The following ZNF24 variants were observed in gnomAD, a reference collection of about 807,000 sequenced individuals.
The protein encoded by ZNF24 is zinc finger protein 24.
A neutral mutation model predicts 40.9 loss-of-function variants in ZNF24; 11 were observed. The observed-to-expected ratio is 0.27, with a 90% CI of 0.17 to 0.45. The LOEUF (loss-of-function observed/expected upper bound fraction) is 0.45, where lower values mean the gene tolerates loss of function less well. Ranked by LOEUF, ZNF24 falls within the 20% of genes least tolerant of loss-of-function variation. The pLI is 1.00. For synonymous variants in ZNF24, 139 were observed against 154.7 expected (o/e 0.90, Z 0.75); for missense variants, 293 against 437.7 (o/e 0.67, Z 2.95).
chr18:35,342,942 C>CT (rs1187023103), intron 1 of ZNF24, among the ~76,000 whole-genome samples: 6 of 152,324 alleles, frequency 3.9e-5, no homozygotes, highest in African/African-American at 1.4e-4. Flanking sequence ...TCAGTGCTTT[C>CT]TAAATGTGCC....
chr18:35,340,828 G>T lies in ZNF24; in HGVS notation c.-83-95C>A. 1.6e-6 allele frequency: 1 copy of T among 632,434 alleles called. No individual in the cohort carries two copies. The highest frequency in any genetic ancestry group is 2.6e-6 in the Non-Finnish European group (1 of 390,078). The allele number at this position is 632,434 out of a possible 1,614,324, so 39.2% of individuals were successfully genotyped here. ...AAAGTAAAAGATACTTGTTCTTTGAGTTAAAAATTCCAATCAATAACCTAC... is the reference window on the plus strand; with the variant it reads ...AAAGTAAAAGATACTTGTTCTTTGATTTAAAAATTCCAATCAATAACCTAC... On this transcript the variant is annotated intron_variant, in intron 1 of 3. Coordinates refer to ENST00000261332, the MANE Select transcript of ZNF24 (RefSeq NM_006965.4). The surrounding 1 kb of genome is among the most constrained non-coding windows in gnomAD (Gnocchi z 4.6).
At chr18:35,339,173 A>AT in intron 3 of ZNF24, 1 of 817,434 alleles carries the variant, frequency 1.2e-6, no homozygotes, top group East Asian at 2.7e-5. Flanking sequence ...AAGGATACAC[A>AT]TAAGTATATG....
chr18:35,340,157 G>C lies in ZNF24; in HGVS notation c.420+74C>G. 1.3e-6 allele frequency: 2 copies of C among 1,539,954 alleles called. No individual in the cohort carries two copies. The highest frequency in any genetic ancestry group is 1.8e-6 in the Non-Finnish European group (2 of 1,133,312). ...AAACATAATTCTAACTTAGTTGAGT[G>C]GAATTAATTCAGCAGCTTTGCCTAC... On this transcript the variant is annotated intron_variant, in intron 2 of 3. Transcript: ENST00000261332. The surrounding 1 kb of genome is among the most constrained non-coding windows in gnomAD (Gnocchi z 4.6).
chr18:35,343,890 C>T (rs1342893684), intron 1 of ZNF24: 1 of 156,052 alleles, frequency 6.4e-6, no homozygotes, highest in Non-Finnish European at 1.4e-5. Flanking sequence ...GTCCTCTAGC[C>T]CCTCTTCCCA....
Position 35,332,364 on chromosome 18 carries a change from C to A in ZNF24, c.*4868G>T, listed in dbSNP as rs3207959. ...CAGAACAGAAACTCAATTCAATTAT[C>A]TTAAACAAGAAAGGGACTTTATTGG... is the stretch of plus-strand genomic sequence containing the variant. On this transcript the variant is annotated 3_prime_UTR_variant, in exon 4 of 4. Transcript: ENST00000261332. 6.6e-6 allele frequency: 1 copy of A among 152,194 alleles called. No homozygotes were observed. Among genetic ancestry groups the A allele is most frequent in the South Asian group, 2.1e-4 (1 of 4,834 alleles). 9.4% of individuals were successfully genotyped at this position (152,194 alleles called of 1,614,324 possible).
chr18:35,344,386 G>C lies in ZNF24; in HGVS notation c.-110C>G, dbSNP rs2044999012. ...GGCGCAAACCTCCGGCTCAGGAACCGCAGCAGCTTCGCTGTCCACGGCAGA... is the reference window on the plus strand; with the variant it reads ...GGCGCAAACCTCCGGCTCAGGAACCCCAGCAGCTTCGCTGTCCACGGCAGA... On this transcript the variant is annotated 5_prime_UTR_variant, in exon 1 of 4. Transcript: ENST00000261332. The C allele has an allele frequency of 6.6e-6, 1 of 152,386 alleles. No homozygotes were observed. Among genetic ancestry groups the C allele is most frequent in the South Asian group, 2.1e-4 (1 of 4,840 alleles). 9.4% of individuals were successfully genotyped at this position (152,386 alleles called of 1,614,324 possible).
chr18:35,342,637 G>C (rs1430032444), intron 1 of ZNF24: 1 of 151,568 alleles, frequency 6.6e-6, no homozygotes, highest in African/African-American at 2.4e-5. Flanking sequence ...ATTCTCTACA[G>C]TATTCAGTAC....
chr18:35,341,645 A>G (rs1346390600), intron 1 of ZNF24, among the ~76,000 whole-genome samples: 2 of 152,186 alleles, frequency 1.3e-5, no homozygotes, highest in African/African-American at 4.8e-5. Flanking sequence ...GGTAGAAGGC[A>G]ATGATACTGA....
intron 3 of ZNF24, chr18:35,338,855 T>C (rs2044938352): frequency 7.5e-7 from 1 of 1,339,816 alleles, no homozygotes; most frequent in Admixed American, 3.7e-5. Context: ...GATGAGAAGT[T>C]GAAAATATCA....
At position 35,337,139 on chromosome 18, in the gene ZNF24, A is replaced by T; in HGVS notation, c.*93T>A. 1 of 1,081,192 alleles carries T rather than the reference A, an allele frequency of 9.2e-7. No individual in the cohort carries two copies. Among genetic ancestry groups the T allele is most frequent in the Non-Finnish European group, 1.2e-6 (1 of 817,034 alleles). The allele number at this position is 1,081,192 out of a possible 1,614,324, so 67.0% of individuals were successfully genotyped here. ...TGGATTTTCTGACAGTCAATAGGGA[A>T]AAAACTATTCTGCATCATTTCATAT... On this transcript the variant is annotated 3_prime_UTR_variant, in exon 4 of 4. Coordinates refer to ENST00000261332, the MANE Select transcript of ZNF24 (RefSeq NM_006965.4).
rs1409122908 is a variant in ZNF24, at chr18:35,334,610, G to A, written c.*2622C>T. The A allele has an allele frequency of 3.3e-5, 5 of 152,048 alleles. No individual in the cohort carries two copies. Among genetic ancestry groups the A allele is most frequent in the Non-Finnish European group, 7.4e-5 (5 of 68,016 alleles). 9.4% of individuals were successfully genotyped at this position (152,048 alleles called of 1,614,324 possible). ...ATCAGCAATCTGCATGACCTAAAAT[G>A]ACTGCTCATTTGCTAACCAAACAGA... On this transcript the variant is annotated 3_prime_UTR_variant, in exon 4 of 4. Transcript: ENST00000261332.
In ZNF24 at chr18:35,334,100, G is replaced by A. The variant is rs987666819; in HGVS notation, c.*3132C>T. ...CACATTATTGATTAAATAAGTATAT[G>A]CCTAAATCTGGAAGAACAAACGAAA... On this transcript the variant is annotated 3_prime_UTR_variant, in exon 4 of 4. Coordinates refer to ENST00000261332, the MANE Select transcript of ZNF24 (RefSeq NM_006965.4). 2 of 152,052 alleles carry A rather than the reference G, an allele frequency of 1.3e-5. No individual in the cohort carries two copies. The highest frequency in any genetic ancestry group is 2.4e-5 in the African/African-American group (1 of 41,388). The allele number at this position is 152,052 out of a possible 1,614,324, so 9.4% of individuals were successfully genotyped here.
At chr18:35,342,526 CCTGTACAGGCA>C (rs2044978985) in intron 1 of ZNF24, 1 of 151,990 alleles carries the variant, frequency 6.6e-6, no homozygotes, top group Non-Finnish European at 1.5e-5. Context: ...TGGTAAGTGC[CCTGTACAGGCA>C]TATCTTTTTT....
chr18:35,341,468 T>C lies in ZNF24; in HGVS notation c.-83-735A>G, dbSNP rs925703032. ...TGTATTTACTATACTTTTTATACTA[T>C]ATTATTTTAGAGTGTGCTCCTTCTA... On this transcript the variant is annotated intron_variant, in intron 1 of 3. Coordinates refer to ENST00000261332, the MANE Select transcript of ZNF24 (RefSeq NM_006965.4). Among the ~76,000 whole-genome samples the C allele has an allele frequency of 8.5e-5, 13 of 152,356 alleles. No individual in the cohort carries two copies. The South Asian group carries it at 1.2e-3, about 15-fold the overall frequency.
rs2044915616 is a variant in ZNF24 at position 35,336,878 on chromosome 18, T to C, written c.*354A>G. The C allele has an allele frequency of 5.7e-6, 1 of 174,988 alleles. No homozygotes were observed. The highest frequency in any genetic ancestry group is 2.4e-5 in the African/African-American group (1 of 42,422). 10.8% of individuals were successfully genotyped at this position (174,988 alleles called of 1,614,324 possible). Reference sequence around the variant, plus strand: ...AGGGAATGTATCCATATAAAGAACATTTCAATGATCAATGCAGAAATAATG... The same window carrying C: ...AGGGAATGTATCCATATAAAGAACACTTCAATGATCAATGCAGAAATAATG... On this transcript the variant is annotated 3_prime_UTR_variant, in exon 4 of 4. Transcript: ENST00000261332.
chr18:35,344,319 GC>G (rs2044997661), intron 1 of ZNF24, 40 bp downstream of exon 1: 1 of 152,304 alleles, frequency 6.6e-6, no homozygotes, highest in African/African-American at 2.4e-5. Flanking sequence ...GCAGACCCTA[GC>G]CCGGTGTCCC....
At chr18:35,337,850 A>C in intron 3 of ZNF24, 80 bp from the exon 4 acceptor site, 8 of 1,246,016 alleles carry the variant, frequency 6.4e-6, no homozygotes, top group South Asian at 1.6e-5. Context: ...TTTTTTAATG[A>C]ACTAAAATAG....
intron 1 of ZNF24, among the ~76,000 whole-genome samples, chr18:35,344,141 G>A (rs915109795): frequency 6.6e-6 from 1 of 152,142 alleles, no homozygotes; most frequent in East Asian, 1.9e-4. Context: ...GAGGACACAG[G>A]GGGTTAGAGA....
chr18:35,342,375 T>C (rs2044977683), intron 1 of ZNF24: 1 of 152,192 alleles, frequency 6.6e-6, no homozygotes, highest in South Asian at 2.1e-4. Flanking sequence ...AAGAAAAATG[T>C]TTTCTTAATA....
Sources: allele counts gnomAD v4.1 joint callset (sites outside exome capture counted in the v4.1 genomes callset), GRCh38; gene constraint gnomAD v4.1.1; non-coding constraint Gnocchi (gnomAD v3.1); transcripts MANE v1.5; gene names NCBI Gene and HGNC (gene_info 2026-07-23, HGNC 2026-07-21).